The following WWOX variants were observed in gnomAD, a reference collection of about 807,000 sequenced individuals.
The protein encoded by WWOX is WW domain containing oxidoreductase.
In WWOX, 69 loss-of-function variants were observed where a neutral mutation model predicts 46.2. The ratio of observed to expected loss-of-function variants is 1.49; its 90% confidence interval spans 1.23 to 1.82. The LOEUF (loss-of-function observed/expected upper bound fraction) is 1.82. Among genes scored for constraint, WWOX ranks in the 40% most tolerant of loss-of-function variants. The probability of loss-of-function intolerance (pLI) is 0.00; values close to 1 mark genes in which losing one functional copy is unlikely to be tolerated. For synonymous variants in WWOX, 359 were observed against 202.6 expected (o/e 1.77, Z -6.56); for missense variants, 919 against 542.6 (o/e 1.69, Z -6.89).
intron 8 of WWOX, among the ~76,000 whole-genome samples, chr16:79,209,507 G>A (rs186151198): frequency 6.6e-6 from 1 of 152,296 alleles, no homozygotes; most frequent in East Asian, 1.9e-4. Flanking sequence ...AACCATTGTG[G>A]CATAGAGGGC....
At chr16:78,559,652 G>A (rs1043879020) in intron 8 of WWOX, among the ~76,000 whole-genome samples, 1 of 152,196 alleles carries the variant, frequency 6.6e-6, no homozygotes, top group Non-Finnish European at 1.5e-5. Flanking sequence ...ATATTTTTGT[G>A]TATTCCGGGA....
At chr16:78,968,915 TAAAG>T (rs940862718) in intron 8 of WWOX, among the ~76,000 whole-genome samples, 6 of 114,772 alleles carry the variant, frequency 5.2e-5, no homozygotes, top group Non-Finnish European at 1.2e-4. Flanking sequence ...GGCAGTTTCT[TAAAG>T]AAAAAAAAAA....
intron 8 of WWOX, chr16:78,526,514 G>C (rs1050796290): frequency 6.6e-6 from 1 of 152,240 alleles, no homozygotes; most frequent in Non-Finnish European, 1.5e-5. Context: ...GCCAGGGGCA[G>C]GGAACTTAAT....
chr16:78,161,131 T>C (rs527393015), intron 4 of WWOX, among the ~76,000 whole-genome samples: 1 of 152,290 alleles, frequency 6.6e-6, no homozygotes, highest in South Asian at 2.1e-4. Context: ...GTATACCTTT[T>C]CTATTCTTTT....
Position 78,557,781 on chromosome 16 carries a change from C to T in WWOX, c.1056+125029C>T, listed in dbSNP as rs370526076. 3.9e-4 allele frequency among the ~76,000 whole-genome samples: 58 copies of T among 149,222 alleles called. No homozygotes were observed. The East Asian group carries it at 5.9e-3, about 15-fold the overall frequency. On this transcript the variant is annotated intron_variant, in intron 8 of 8. Transcript: ENST00000566780. ...CGCGATGTCAGCTCACTGCAACCTC[C>T]GCCTCCTGGGTTCAAACAATTCTCC...
chr16:78,603,618 C>CAGG (rs1199439396), intron 8 of WWOX, among the ~76,000 whole-genome samples: 1 of 152,108 alleles, frequency 6.6e-6, no homozygotes, highest in African/African-American at 2.4e-5. Context: ...CGCTTGAACC[C>CAGG]AGGAGGAGGA....
chr16:78,917,670 C>G (rs2045283826), intron 8 of WWOX, among the ~76,000 whole-genome samples: 1 of 152,070 alleles, frequency 6.6e-6, no homozygotes, highest in African/African-American at 2.4e-5. Flanking sequence ...ATATCTCTTG[C>G]TTTCCTACAT....
At chr16:78,389,124 C>G (rs1329574740) in intron 6 of WWOX, among the ~76,000 whole-genome samples, 1 of 152,220 alleles carries the variant, frequency 6.6e-6, no homozygotes. Context: ...ATAACATCCC[C>G]CAGCCAGCCA....
At chr16:78,120,903 C>T (rs552830223) in intron 4 of WWOX, among the ~76,000 whole-genome samples, 11 of 152,270 alleles carry the variant, frequency 7.2e-5, no homozygotes, top group Middle Eastern at 3.4e-3. Context: ...GCTTCCTTTA[C>T]ACCTTTGCTT....
At chr16:78,520,819 G>A (rs1285627488) in intron 8 of WWOX, among the ~76,000 whole-genome samples, 4 of 152,140 alleles carry the variant, frequency 2.6e-5, no homozygotes, top group South Asian at 4.1e-4. Flanking sequence ...CGTGGCCTCT[G>A]GAAGTCCAGT....
intron 5 of WWOX, among the ~76,000 whole-genome samples, chr16:78,372,366 C>T (rs1020071914): frequency 2.6e-5 from 4 of 152,132 alleles, no homozygotes; most frequent in Non-Finnish European, 4.4e-5. Flanking sequence ...CCGTCTACCC[C>T]CCTGCTGCTC....
intron 5 of WWOX, among the ~76,000 whole-genome samples, chr16:78,242,677 T>A (rs956289119): frequency 1.3e-5 from 2 of 152,078 alleles, no homozygotes; most frequent in African/African-American, 4.8e-5. Context: ...CCATGGCTAA[T>A]AGGGGACAGG....
intron 8 of WWOX, among the ~76,000 whole-genome samples, chr16:78,752,188 A>G (rs570264400): frequency 6.6e-6 from 1 of 152,360 alleles, no homozygotes; most frequent in Admixed American, 6.5e-5. Flanking sequence ...TACTGAAAAT[A>G]TACCTTTAAG....
chr16:78,786,784 A>C lies in WWOX; in HGVS notation c.1056+354032A>C, dbSNP rs529928835. 2.6e-5 allele frequency among the ~76,000 whole-genome samples: 4 copies of C among 152,360 alleles called. No individual in the cohort carries two copies. In the South Asian group the frequency reaches 8.3e-4, roughly 32 times the overall value. ...CAGGCAGTTACACAACATCTTCTAC[A>C]TGCCAAGAATGTTTCTAATACATGC... On this transcript the variant is annotated intron_variant, in intron 8 of 8. Transcript: ENST00000566780.
chr16:78,774,306 A>G (rs1008766973), intron 8 of WWOX, among the ~76,000 whole-genome samples: 3 of 152,126 alleles, frequency 2.0e-5, no homozygotes, highest in Admixed American at 2.0e-4. Flanking sequence ...GAGGCTGAAA[A>G]AGGAGAATCG....
intron 8 of WWOX, among the ~76,000 whole-genome samples, chr16:78,976,956 A>G (rs2046584590): frequency 6.6e-6 from 1 of 151,816 alleles, no homozygotes; most frequent in Non-Finnish European, 1.5e-5. Flanking sequence ...TAGATTTGAC[A>G]CCTCTTTTTT....
At chr16:79,095,903 T>A (rs1249385689) in intron 8 of WWOX, among the ~76,000 whole-genome samples, 1 of 150,020 alleles carries the variant, frequency 6.7e-6, no homozygotes, top group Non-Finnish European at 1.5e-5. Context: ...CTTGCTCTGT[T>A]GTTTAGGCAT....
At chr16:78,947,108 A>G (rs1231802636) in intron 8 of WWOX, among the ~76,000 whole-genome samples, 1 of 152,090 alleles carries the variant, frequency 6.6e-6, no homozygotes. Context: ...GTGGAAAAAA[A>G]AAAAAGAGGG....
intron 8 of WWOX, among the ~76,000 whole-genome samples, chr16:79,185,000 G>A (rs1422374633): frequency 2.0e-5 from 3 of 152,158 alleles, no homozygotes; most frequent in Admixed American, 6.5e-5. Flanking sequence ...CATTTATGCT[G>A]TTTATAAAAA....
Sources: allele counts gnomAD v4.1 joint callset (sites outside exome capture counted in the v4.1 genomes callset), GRCh38; gene constraint gnomAD v4.1.1; transcripts MANE v1.5; gene names NCBI Gene and HGNC (gene_info 2026-07-23, HGNC 2026-07-21).